INTS15: variants seen among roughly 807,000 people sequenced by gnomAD.
INTS15 encodes integrator complex subunit 15, also known as uncharacterized protein C7orf26.
At chr7:6,607,463 GGA>G in the INTS15 span, 1 of 1,167,110 alleles carries the variant, frequency 8.6e-7, no homozygotes, top group South Asian at 1.3e-5. This position sits in a 1 kb window ranked among gnomAD's most constrained non-coding sequence, Gnocchi z 6.0. Flanking sequence ...GGTGGGTCCC[GGA>G]GGTCTGTAAC....
chr7:6,593,519 A>T, the INTS15 span, among the ~76,000 whole-genome samples: 3 of 151,638 alleles, frequency 2.0e-5, no homozygotes, highest in Non-Finnish European at 2.9e-5. Flanking sequence ...TATTTTTAGT[A>T]GAGACGGGGT....
chr7:6,602,159 C>T, the INTS15 span: 43 of 1,606,806 alleles, frequency 2.7e-5, no homozygotes, highest in African/African-American at 5.4e-4. Flanking sequence ...CCTCAGGACT[C>T]CTAGCTGGGC....
the INTS15 span, among the ~76,000 whole-genome samples, chr7:6,602,914 C>G: frequency 2.6e-5 from 4 of 152,222 alleles, no homozygotes; most frequent in African/African-American, 9.6e-5. Context: ...TTGCCTACCC[C>G]AGCTTCTCAC....
chr7:6,597,956 G>A, the INTS15 span, among the ~76,000 whole-genome samples: 1 of 152,164 alleles, frequency 6.6e-6, no homozygotes, highest in Non-Finnish European at 1.5e-5. Flanking sequence ...TGAGAACGTG[G>A]GACTCTAGAG....
At chr7:6,607,689 G>A in the INTS15 span, 1 of 1,526,492 alleles carries the variant, frequency 6.6e-7, no homozygotes. This position sits in a 1 kb window ranked among gnomAD's most constrained non-coding sequence, Gnocchi z 6.0. Flanking sequence ...CTGACGTGGA[G>A]GCCACCTGTG....
the INTS15 span, among the ~76,000 whole-genome samples, chr7:6,606,227 C>T: frequency 6.6e-6 from 1 of 152,218 alleles, no homozygotes; most frequent in Non-Finnish European, 1.5e-5. Context: ...AAAGGGGGCT[C>T]AGAAGAACTT....
chr7:6,607,475 C>A, the INTS15 span: 48 of 1,246,918 alleles, frequency 3.8e-5, no homozygotes, highest in Non-Finnish European at 5.0e-5. This position sits in a 1 kb window ranked among gnomAD's most constrained non-coding sequence, Gnocchi z 6.0. Context: ...AGGTCTGTAA[C>A]GGCTGGGTCC....
At chr7:6,592,817 C>G in the INTS15 span, among the ~76,000 whole-genome samples, 11 of 151,852 alleles carry the variant, frequency 7.2e-5, no homozygotes, top group African/African-American at 2.7e-4. Flanking sequence ...ACCATGTTGC[C>G]CAGACTGGTC....
At chr7:6,596,539 C>T in the INTS15 span, among the ~76,000 whole-genome samples, 2,503 of 148,506 alleles carry the variant, frequency 0.017, 61 homozygotes, top group African/African-American at 0.059. Flanking sequence ...CCACCACACC[C>T]GGCTACTTTT....
the INTS15 span, chr7:6,600,271 C>T: frequency 1.7e-5 from 28 of 1,614,232 alleles, no homozygotes; most frequent in East Asian, 5.8e-4. Context: ...CCCTCAACGC[C>T]TCCCAGGAGA....
the INTS15 span, among the ~76,000 whole-genome samples, chr7:6,599,435 C>G: frequency 1.3e-5 from 2 of 152,176 alleles, no homozygotes; most frequent in Admixed American, 6.6e-5. Flanking sequence ...ACAGGAGACA[C>G]TGAGCACCGG....
At chr7:6,597,475 C>G in the INTS15 span, among the ~76,000 whole-genome samples, 1 of 151,946 alleles carries the variant, frequency 6.6e-6, no homozygotes, top group African/African-American at 2.4e-5. Flanking sequence ...TTGTATTTTT[C>G]GTGGAGTCAG....
chr7:6,600,410 G>C, the INTS15 span: 1 of 1,523,542 alleles, frequency 6.6e-7, no homozygotes, highest in Non-Finnish European at 8.8e-7. Flanking sequence ...CCGCCCTGCA[G>C]AAGGAAGGAG....
the INTS15 span, among the ~76,000 whole-genome samples, chr7:6,598,899 ACCTCAGCCT>A: frequency 6.6e-6 from 1 of 150,946 alleles, no homozygotes; most frequent in Non-Finnish European, 1.5e-5. Context: ...TGATCCTCCT[ACCTCAGCCT>A]CCTGAATAGC....
chr7:6,590,489 C>G, the INTS15 span: 1 of 1,556,606 alleles, frequency 6.4e-7, no homozygotes, highest in Non-Finnish European at 8.7e-7. Context: ...CGGCCTGAGA[C>G]GGTCGGGTTC....
At chr7:6,607,579 G>T in the INTS15 span, 1 of 1,351,488 alleles carries the variant, frequency 7.4e-7, no homozygotes, top group Non-Finnish European at 9.8e-7. The surrounding 1 kb of genome is among the most constrained non-coding windows in gnomAD (Gnocchi z 6.0). Context: ...GCTTCCTGGG[G>T]CTTCTGCTTG....
chr7:6,590,519 G>T, the INTS15 span: 4 of 1,501,210 alleles, frequency 2.7e-6, no homozygotes, highest in African/African-American at 2.9e-5. Context: ...GCAGGCGGGC[G>T]GGCGGGCCTT....
chr7:6,607,948 T>A, the INTS15 span: 1 of 1,598,610 alleles, frequency 6.3e-7, no homozygotes, highest in South Asian at 1.1e-5. This position sits in a 1 kb window ranked among gnomAD's most constrained non-coding sequence, Gnocchi z 6.0. Flanking sequence ...ACGCTTATGC[T>A]TGTGTTCGCA....
At chr7:6,594,693 T>C in the INTS15 span, 3 of 1,197,612 alleles carry the variant, frequency 2.5e-6, no homozygotes, top group Non-Finnish European at 3.5e-6. Flanking sequence ...GTCCAGTGAA[T>C]GCTTTGGCTG....
Sources: gnomAD v4.1 joint callset for allele counts (sites outside exome capture counted in the v4.1 genomes callset) on GRCh38, gnomAD v4.1.1 for gene constraint, Gnocchi (gnomAD v3.1) non-coding constraint, MANE v1.5 for transcripts, NCBI Gene and HGNC (gene_info 2026-07-23, HGNC 2026-07-21) for gene names.